NR1I2: variants seen among roughly 807,000 people sequenced by gnomAD.
NR1I2 encodes the protein nuclear receptor subfamily 1 group I member 2.
A neutral mutation model predicts 43.3 loss-of-function variants in NR1I2; 42 were observed. The ratio of observed to expected loss-of-function variants is 0.97; its 90% CI spans 0.76 to 1.26. The LOEUF (loss-of-function observed/expected upper bound fraction) is 1.26. Among genes scored for constraint, NR1I2 ranks in the 50% most tolerant of loss-of-function variants. The pLI, the probability that NR1I2 is intolerant of heterozygous loss-of-function variation, is 0.00. For missense variants in NR1I2, 559 were observed against 566.7 expected (o/e 0.99, Z 0.14); for synonymous variants, 229 against 215.0 (o/e 1.06, Z -0.57).
intron 1 of NR1I2, chr3:119,782,829 T>A: frequency 6.2e-7 from 1 of 1,614,148 alleles, no homozygotes; most frequent in Non-Finnish European, 8.5e-7. Flanking sequence ...TGCACAGTGC[T>A]GCGGCTGAGT....
At chr3:119,815,155 G>A (rs761389662) in intron 6 of NR1I2, 34 bp downstream of exon 6, 2 of 1,613,950 alleles carry the variant, frequency 1.2e-6, no homozygotes, top group Admixed American at 1.7e-5. Flanking sequence ...CTGGCAGAGG[G>A]AGGGAAACAC....
intron 1 of NR1I2, among the ~76,000 whole-genome samples, chr3:119,805,895 A>G (rs953426312): frequency 7.9e-5 from 12 of 152,104 alleles, no homozygotes; most frequent in African/African-American, 2.9e-4. Flanking sequence ...GATTTGAAAA[A>G]TCAGGGATTT....
At chr3:119,806,447 G>C (rs1449959177) in intron 1 of NR1I2, among the ~76,000 whole-genome samples, 1 of 152,016 alleles carries the variant, frequency 6.6e-6, no homozygotes, top group Non-Finnish European at 1.5e-5. Flanking sequence ...ATCGATCTTG[G>C]CTGTTTTTTT....
chr3:119,792,333 C>T, intron 1 of NR1I2: 2 of 1,423,954 alleles, frequency 1.4e-6, no homozygotes, highest in Non-Finnish European at 9.9e-7. Context: ...GTCTTTGACA[C>T]ATCTGACCTT....
chr3:119,790,018 G>T (rs564458431), intron 1 of NR1I2, among the ~76,000 whole-genome samples: 1 of 151,938 alleles, frequency 6.6e-6, no homozygotes, highest in Non-Finnish European at 1.5e-5. Flanking sequence ...TGTTTTCATC[G>T]TTGTGCAGCC....
intron 1 of NR1I2, among the ~76,000 whole-genome samples, chr3:119,793,748 A>T (rs1268633874): frequency 1.3e-5 from 2 of 152,208 alleles, no homozygotes; most frequent in Non-Finnish European, 2.9e-5. Context: ...CTTTTGCCAT[A>T]TAAGGAAACA....
At chr3:119,785,127 GTAGA>G (rs2054827477) in intron 1 of NR1I2, among the ~76,000 whole-genome samples, 2 of 152,186 alleles carry the variant, frequency 1.3e-5, no homozygotes, top group Admixed American at 1.3e-4. Flanking sequence ...AGCCATGAAA[GTAGA>G]TAGTCTCAGA....
chr3:119,810,254 G>A (rs2055220631), intron 3 of NR1I2, 60 bp downstream of exon 3: 1 of 1,547,112 alleles, frequency 6.5e-7, no homozygotes. Flanking sequence ...GTAAGGACGT[G>A]CCGTGGGTGT....
chr3:119,815,875 G>A lies in NR1I2; in HGVS notation c.1160+44G>A, dbSNP rs199602408. ...GAGGACCCGTGAGGGTGATGTGAGGGAGCCGAGGTTCAGGGAAATTGCCCA... is the reference window on the plus strand; with the variant it reads ...GAGGACCCGTGAGGGTGATGTGAGGAAGCCGAGGTTCAGGGAAATTGCCCA... On this transcript the variant is annotated intron_variant, in intron 8 of 8. Transcript: ENST00000393716. 225 of 1,504,178 alleles carry A rather than the reference G, an allele frequency of 1.5e-4. No individual in the cohort carries two copies. In the Middle Eastern group the frequency reaches 2.0e-3, roughly 14 times the overall value. The allele number at this position is 1,504,178 out of a possible 1,614,324, so 93.2% of individuals were successfully genotyped here.
intron 1 of NR1I2, among the ~76,000 whole-genome samples, chr3:119,788,444 T>A (rs1434391012): frequency 1.3e-5 from 2 of 151,416 alleles, no homozygotes; most frequent in East Asian, 3.9e-4. Flanking sequence ...ATTTATTTAT[T>A]TTCATTTGAT....
At chr3:119,809,993 G>GC in intron 2 of NR1I2, 68 bp from the exon 3 acceptor site, 1 of 1,603,746 alleles carries the variant, frequency 6.2e-7, no homozygotes, top group Non-Finnish European at 8.5e-7. Context: ...AGGTGGTATG[G>GC]CCCGGAGCCC....
chr3:119,798,379 A>T (rs2055027958), intron 1 of NR1I2, among the ~76,000 whole-genome samples: 1 of 152,166 alleles, frequency 6.6e-6, no homozygotes, highest in South Asian at 2.1e-4. Flanking sequence ...TGTCCAGTTG[A>T]TTATTTTTAA....
intron 1 of NR1I2, chr3:119,792,507 C>A: frequency 2.8e-6 from 3 of 1,085,052 alleles, no homozygotes; most frequent in Non-Finnish European, 4.1e-6. Flanking sequence ...TGGAACATCA[C>A]CAATCTGCCG....
At chr3:119,788,430 A>AT (rs1335125623) in intron 1 of NR1I2, among the ~76,000 whole-genome samples, 1 of 149,404 alleles carries the variant, frequency 6.7e-6, no homozygotes, top group Admixed American at 6.7e-5. Context: ...CATTATACAA[A>AT]TTTATTTATT....
At chr3:119,801,749 A>G (rs2055084399) in intron 1 of NR1I2, among the ~76,000 whole-genome samples, 1 of 152,042 alleles carries the variant, frequency 6.6e-6, no homozygotes, top group Admixed American at 6.5e-5. Context: ...GCATCACAGG[A>G]CCTTGGCCAA....
rs1021518838 is a variant in NR1I2 at position 119,782,442 on chromosome 3, C to G, written c.-23+142C>G. The G allele has an allele frequency of 2.7e-5, 9 of 330,580 alleles. No homozygotes were observed. The East Asian group carries it at 5.4e-4, about 20-fold the overall frequency. The allele number at this position is 330,580 out of a possible 1,614,324, so 20.5% of individuals were successfully genotyped here. On this transcript the variant is annotated intron_variant, in intron 1 of 8. Coordinates refer to ENST00000393716, the MANE Select transcript of NR1I2 (RefSeq NM_003889.4). ...TGAATCATGTTGGCCTTGCTGCTGT[C>G]TCCTCATTTCTAGGGTGGAAAAAAA...
intron 1 of NR1I2, among the ~76,000 whole-genome samples, chr3:119,802,673 T>C (rs1414560483): frequency 6.6e-6 from 1 of 152,134 alleles, no homozygotes; most frequent in African/African-American, 2.4e-5. Flanking sequence ...GCTAATAACA[T>C]TTTCTCTGCC....
At position 119,815,066 on chromosome 3, in the gene NR1I2, G is replaced by A. The variant is rs551162554; in HGVS notation, c.882G>A (p.Ala294=). 32 of 1,614,200 alleles carry A rather than the reference G, an allele frequency of 2.0e-5. No individual in the cohort carries two copies. The South Asian group carries it at 2.3e-4, about 12-fold the overall frequency. ...TGAGATTCAACACAGTGTTCAACGC[G>A]GAGACTGGAACCTGGGAGTGTGGCC... The change falls in exon 6 of 9, where the codon GCG becomes GCA. Residue 294 remains alanine, a synonymous_variant. Coordinates refer to ENST00000393716, the MANE Select transcript of NR1I2 (RefSeq NM_003889.4).
intron 5 of NR1I2, among the ~76,000 whole-genome samples, chr3:119,814,226 C>T (rs1283843463): frequency 2.0e-5 from 3 of 152,164 alleles, no homozygotes; most frequent in Admixed American, 1.3e-4. Flanking sequence ...GTGAAGCTTC[C>T]TCCTTGTAAG....
Sources: gnomAD v4.1 joint callset for allele counts (sites outside exome capture counted in the v4.1 genomes callset) on GRCh38, gnomAD v4.1.1 for gene constraint, MANE v1.5 for transcripts, NCBI Gene and HGNC (gene_info 2026-07-23, HGNC 2026-07-21) for gene names.